The following SSBP3 variants were observed in gnomAD, a reference collection of about 807,000 sequenced individuals.
SSBP3 encodes single-stranded DNA-binding protein 3.
Under a neutral mutation model 69.6 loss-of-function variants are expected in SSBP3, and 5 were observed. That is an observed-to-expected ratio of 0.07 (90% CI 0.04 to 0.15). The LOEUF is 0.15. Ranked by LOEUF, SSBP3 falls within the 10% of genes least tolerant of loss-of-function variation. The pLI is 1.00. For synonymous variants in SSBP3, 196 were observed against 193.4 expected (o/e 1.01, Z -0.11); for missense variants, 312 against 534.0 (o/e 0.58, Z 4.10).
chr1:54,270,936 C>T (rs936902635), intron 5 of SSBP3, among the ~76,000 whole-genome samples: 3 of 152,166 alleles, frequency 2.0e-5, no homozygotes, highest in Non-Finnish European at 2.9e-5. Context: ...CATGGATCAC[C>T]TTCACAGAAG....
chr1:54,349,583 C>T (rs565853686), intron 4 of SSBP3, among the ~76,000 whole-genome samples: 8 of 152,272 alleles, frequency 5.3e-5, no homozygotes, highest in African/African-American at 1.7e-4. Flanking sequence ...CCTCAGGCTT[C>T]AGCCTTGAAA....
At chr1:54,336,850 T>C (rs61776536) in intron 4 of SSBP3, among the ~76,000 whole-genome samples, 4,582 of 152,226 alleles carry the variant, frequency 0.03, 112 homozygotes, top group Non-Finnish European at 0.046. Context: ...GCCACGTGCG[T>C]GGTAACCACC....
Position 54,318,629 on chromosome 1 carries a change from G to C in SSBP3, c.277-37102C>G, listed in dbSNP as rs537347393. Reference sequence around the variant, plus strand: ...GTCTCACCTCCTGGTGGAGGAGCTGGAGGCACAGGCTGTAAGGAACAGGAC... The same window carrying C: ...GTCTCACCTCCTGGTGGAGGAGCTGCAGGCACAGGCTGTAAGGAACAGGAC... On this transcript the variant is annotated intron_variant, in intron 4 of 17. Transcript: ENST00000610401. Among the ~76,000 whole-genome samples the C allele has an allele frequency of 2.6e-5, 4 of 152,172 alleles. No homozygotes were observed. In the South Asian group the frequency reaches 6.2e-4, roughly 24 times the overall value.
chr1:54,321,551 C>G lies in SSBP3; in HGVS notation c.277-40024G>C, dbSNP rs574609415. ...CTGCACAAACAAGTAGGGCAACTCT[C>G]AGGCCAGAGGCCTGGGAAGGCCTTA... On this transcript the variant is annotated intron_variant, in intron 4 of 17. Coordinates refer to ENST00000610401, the Ensembl canonical transcript of SSBP3. Among the ~76,000 whole-genome samples the G allele has an allele frequency of 1.4e-3, 210 of 152,380 alleles. 1 individual carries two copies. The highest frequency in any genetic ancestry group is 4.6e-3 in the African/African-American group (190 of 41,600).
chr1:54,298,961 G>A (rs1425102878), intron 4 of SSBP3, among the ~76,000 whole-genome samples: 3 of 35,062 alleles, frequency 8.6e-5, no homozygotes, highest in African/African-American at 9.5e-5. Flanking sequence ...ACACACACAC[G>A]AGCTCTGTTC....
At chr1:54,307,770 G>A (rs754282350) in intron 4 of SSBP3, among the ~76,000 whole-genome samples, 26 of 152,116 alleles carry the variant, frequency 1.7e-4, no homozygotes, top group Admixed American at 3.3e-4. Context: ...TCCCACCTGC[G>A]CCGTGACAGT....
intron 4 of SSBP3, among the ~76,000 whole-genome samples, chr1:54,365,407 T>C (rs1477676037): frequency 6.6e-6 from 1 of 152,140 alleles, no homozygotes; most frequent in Non-Finnish European, 1.5e-5. Context: ...TAAGACTTTC[T>C]TAAATTAATT....
chr1:54,336,973 G>C (rs940002082), intron 4 of SSBP3, among the ~76,000 whole-genome samples: 3 of 152,226 alleles, frequency 2.0e-5, no homozygotes, highest in African/African-American at 7.2e-5. Flanking sequence ...TCTGGATGGA[G>C]GAATGCACAC....
chr1:54,308,165 A>G (rs1441463532), intron 4 of SSBP3, among the ~76,000 whole-genome samples: 2 of 152,226 alleles, frequency 1.3e-5, no homozygotes, highest in African/African-American at 2.4e-5. Flanking sequence ...AATAATTAAA[A>G]TAACAAAGAA....
In SSBP3 at chr1:54,405,756, C is replaced by G. The variant is rs377728656; in HGVS notation, c.56+197G>C. Among the ~76,000 whole-genome samples the G allele has an allele frequency of 7.9e-4, 119 of 151,156 alleles. No homozygotes were observed. In the East Asian group the frequency reaches 0.017, roughly 21 times the overall value. ...CGCCCCTTCCCCGATCCCCCAACCT[C>G]CGCCGGCTCCCAACAATGGGCTCTC... On this transcript the variant is annotated intron_variant, in intron 1 of 17. Transcript: ENST00000610401.
At chr1:54,339,941 G>C (rs1646577549) in intron 4 of SSBP3, among the ~76,000 whole-genome samples, 1 of 151,974 alleles carries the variant, frequency 6.6e-6, no homozygotes, top group South Asian at 2.1e-4. Context: ...AGAACGAAAG[G>C]GGAAAGGCGG....
At chr1:54,307,759 C>T (rs2104929) in intron 4 of SSBP3, among the ~76,000 whole-genome samples, 8,874 of 152,228 alleles carry the variant, frequency 0.058, 432 homozygotes, top group East Asian at 0.27. Flanking sequence ...CACTGCTACA[C>T]TCCCACCTGC....
chr1:54,265,563 G>A (rs1435350356), intron 5 of SSBP3, among the ~76,000 whole-genome samples: 2 of 152,148 alleles, frequency 1.3e-5, no homozygotes, highest in East Asian at 3.9e-4. Flanking sequence ...CCCAGCAGAA[G>A]AGCCCATGAC....
At chr1:54,351,239 A>G (rs1646776780) in intron 4 of SSBP3, among the ~76,000 whole-genome samples, 1 of 152,192 alleles carries the variant, frequency 6.6e-6, no homozygotes, top group African/African-American at 2.4e-5. Context: ...AGTTAGCACA[A>G]AGTTAGTCCT....
At chr1:54,408,165 A>G (rs1167705245), upstream of SSBP3, among the ~76,000 whole-genome samples, 1 of 152,200 alleles carries the variant, frequency 6.6e-6, no homozygotes, top group East Asian at 1.9e-4. Flanking sequence ...AAGGGGCAGA[A>G]AAAAGGAACG....
rs759706045 is a variant in SSBP3 at position 54,251,710 on chromosome 1, C to T, written c.575-18G>A. ...GGGGTGGCCTGCGTGAGAGAGGAGGCGCGTCATGGGATGGCAGGAGTGGAG... is the reference window on the plus strand; with the variant it reads ...GGGGTGGCCTGCGTGAGAGAGGAGGTGCGTCATGGGATGGCAGGAGTGGAG... On this transcript the variant is annotated intron_variant, in intron 8 of 17. Transcript: ENST00000610401. 21 of 1,569,604 alleles carry T rather than the reference C, an allele frequency of 1.3e-5. No homozygotes were observed. Among genetic ancestry groups the T allele is most frequent in the South Asian group, 1.3e-4 (11 of 86,274 alleles).
chr1:54,382,269 C>T (rs1468268989), intron 4 of SSBP3, among the ~76,000 whole-genome samples: 2 of 152,152 alleles, frequency 1.3e-5, no homozygotes, highest in Admixed American at 1.3e-4. Context: ...CAGACAGGGT[C>T]TCACTATGTT....
At chr1:54,285,716 A>T (rs1227704747) in intron 4 of SSBP3, among the ~76,000 whole-genome samples, 1 of 152,158 alleles carries the variant, frequency 6.6e-6, no homozygotes, top group African/African-American at 2.4e-5. Context: ...AAAGCGTCTC[A>T]TGAGTTTTCC....
In SSBP3 at chr1:54,251,718, G is replaced by A. The variant is rs1346126663; in HGVS notation, c.575-26C>T. ...CTGCGTGAGAGAGGAGGCGCGTCATGGGATGGCAGGAGTGGAGGGAGGAGG... is the reference window on the plus strand; with the variant it reads ...CTGCGTGAGAGAGGAGGCGCGTCATAGGATGGCAGGAGTGGAGGGAGGAGG... On this transcript the variant is annotated intron_variant, in intron 8 of 17. Coordinates refer to ENST00000610401, the Ensembl canonical transcript of SSBP3. The A allele has an allele frequency of 1.3e-6, 2 of 1,579,718 alleles. 1 individual carries two copies. Among genetic ancestry groups the A allele is most frequent in the Non-Finnish European group, 1.7e-6 (2 of 1,160,944 alleles).
Sources: gnomAD v4.1 joint callset for allele counts (sites outside exome capture counted in the v4.1 genomes callset) on GRCh38, gnomAD v4.1.1 for gene constraint, MANE v1.5 for transcripts, NCBI Gene and HGNC (gene_info 2026-07-23, HGNC 2026-07-21) for gene names.